The following DNAH6 variants were observed in gnomAD, a reference collection of about 807,000 sequenced individuals.
DNAH6 encodes the protein dynein axonemal heavy chain 6.
In DNAH6, 340 loss-of-function variants were observed where a neutral mutation model predicts 491.4. The ratio of observed to expected loss-of-function variants is 0.69; its 90% CI spans 0.63 to 0.76. The LOEUF is 0.76. Among genes scored for constraint, DNAH6 ranks in the 30% least tolerant of loss-of-function variants. The pLI is 0.00. For synonymous variants in DNAH6, 1,603 were observed against 1,686.1 expected (o/e 0.95, Z 1.21); for missense variants, 4,443 against 4,972.2 (o/e 0.89, Z 3.20).
At chr2:84,566,624 C>T (rs531826960) in intron 11 of DNAH6, among the ~76,000 whole-genome samples, 10 of 151,910 alleles carry the variant, frequency 6.6e-5, no homozygotes, top group African/African-American at 1.9e-4. Context: ...AATTTTAACA[C>T]ATGCCTATGA....
At chr2:84,635,883 C>T (rs1424965290) in intron 30 of DNAH6, among the ~76,000 whole-genome samples, 1 of 152,196 alleles carries the variant, frequency 6.6e-6, no homozygotes, top group Non-Finnish European at 1.5e-5. Flanking sequence ...TTACTCCATC[C>T]TGGTCTTCCC....
rs1357581567 is a variant in DNAH6, at chr2:84,796,400, A to G, written c.11334A>G (p.Glu3778=). The change falls in exon 69 of 77, where the codon GAA becomes GAG. Residue 3778 remains glutamate (E), a synonymous_variant. Coordinates refer to ENST00000389394, the MANE Select transcript of DNAH6 (RefSeq NM_001370.2). The stretch of plus-strand genomic sequence containing the variant: ...GATTTTTTTCTCCTGAAACATTAGA[A>G]GAAGATTATAAATACTCTGAATCAG... ...LKRFFSPETL[E]EDYKYSESGI... 6 of 1,529,176 alleles carry G rather than the reference A, an allele frequency of 3.9e-6. No homozygotes were observed. Among genetic ancestry groups the G allele is most frequent in the Admixed American group, 4.1e-5 (2 of 49,108 alleles). The allele number at this position is 1,529,176 out of a possible 1,614,324, so 94.7% of individuals were successfully genotyped here.
intron 35 of DNAH6, among the ~76,000 whole-genome samples, chr2:84,657,959 C>G (rs927752518): frequency 7.9e-5 from 12 of 151,816 alleles, no homozygotes; most frequent in Non-Finnish European, 1.6e-4. Flanking sequence ...TCTTCTTTTT[C>G]ATTGTTAATA....
At chr2:84,776,316 G>A (rs1402956299) in intron 64 of DNAH6, among the ~76,000 whole-genome samples, 3 of 152,184 alleles carry the variant, frequency 2.0e-5, no homozygotes, top group African/African-American at 4.8e-5. Flanking sequence ...CTCAGAGGTG[G>A]TAGAACTATT....
chr2:84,701,433 G>A lies in DNAH6; in HGVS notation c.8061+94G>A. ...CTCTATGCACTGTCTTACCTGTCAG[G>A]GCCCTGTATTAGTCCATTCTCGCAC... On this transcript the variant is annotated intron_variant, in intron 49 of 76. Coordinates refer to ENST00000389394, the MANE Select transcript of DNAH6 (RefSeq NM_001370.2). The A allele has an allele frequency of 3.0e-6, 4 of 1,312,630 alleles. No individual in the cohort carries two copies. In the South Asian group the frequency reaches 4.4e-5, roughly 15 times the overall value. The allele number at this position is 1,312,630 out of a possible 1,614,324, so 81.3% of individuals were successfully genotyped here.
chr2:84,631,730 A>G (rs1688421559), intron 29 of DNAH6, among the ~76,000 whole-genome samples: 1 of 152,174 alleles, frequency 6.6e-6, no homozygotes, highest in South Asian at 2.1e-4. Context: ...CCTACCCCCA[A>G]GAGCCTTCAG....
Position 84,658,273 on chromosome 2 carries a change from T to C in DNAH6, c.5758-19T>C. 1.3e-6 allele frequency: 2 copies of C among 1,481,884 alleles called. No homozygotes were observed. Among genetic ancestry groups the C allele is most frequent in the Non-Finnish European group, 1.8e-6 (2 of 1,109,194 alleles). 91.8% of individuals were successfully genotyped at this position (1,481,884 alleles called of 1,614,324 possible). A position where few individuals can be genotyped will look rare whatever the true frequency, so the allele number is the denominator to read the frequency against. ...ATATTTATCAGGTCTTGCTAAACTATCATTTGTTTCATTTTCAGCTGACTG... is the reference window on the plus strand; with the variant it reads ...ATATTTATCAGGTCTTGCTAAACTACCATTTGTTTCATTTTCAGCTGACTG... On this transcript the variant is annotated intron_variant, in intron 35 of 76. Transcript: ENST00000389394.
chr2:84,500,161 T>A, the DNAH6 span, among the ~76,000 whole-genome samples: 2 of 152,244 alleles, frequency 1.3e-5, no homozygotes, highest in Non-Finnish European at 2.9e-5. Context: ...TTTCATAGTC[T>A]GAAGTCTTAG....
chr2:84,667,790 G>A (rs1051929738), intron 37 of DNAH6, among the ~76,000 whole-genome samples: 1 of 152,170 alleles, frequency 6.6e-6, no homozygotes, highest in Non-Finnish European at 1.5e-5. Context: ...ACATGCACAA[G>A]TATGTTTATT....
chr2:84,708,047 G>T (rs1156431048), intron 54 of DNAH6, among the ~76,000 whole-genome samples: 1 of 152,152 alleles, frequency 6.6e-6, no homozygotes, highest in Non-Finnish European at 1.5e-5. Context: ...TGGATGAGAT[G>T]TTCTCAATTG....
At chr2:84,751,612 C>T (rs1673481006) in intron 63 of DNAH6, among the ~76,000 whole-genome samples, 1 of 152,148 alleles carries the variant, frequency 6.6e-6, no homozygotes, top group Non-Finnish European at 1.5e-5. Context: ...ATCAACTTCT[C>T]AGGAAAAGGT....
chr2:84,571,757 C>T (rs944859758), intron 11 of DNAH6, among the ~76,000 whole-genome samples: 2 of 104,020 alleles, frequency 1.9e-5, no homozygotes, highest in African/African-American at 6.6e-5. Flanking sequence ...ACTAAAATTA[C>T]AAAAAAAAAA....
intron 70 of DNAH6, among the ~76,000 whole-genome samples, chr2:84,797,917 T>A (rs779417838): frequency 6.6e-6 from 1 of 152,196 alleles, no homozygotes; most frequent in Non-Finnish European, 1.5e-5. Flanking sequence ...AGTCCATCCA[T>A]AATCTACCTG....
intron 14 of DNAH6, among the ~76,000 whole-genome samples, chr2:84,583,005 C>T (rs184512576): frequency 0.015 from 2,217 of 152,260 alleles, 24 homozygotes; most frequent in Non-Finnish European, 0.022. Context: ...CCAAGTAGTA[C>T]GAACATGGCT....
chr2:84,595,589 A>G, intron 17 of DNAH6, 57 bp from the exon 18 acceptor site: 2 of 1,443,964 alleles, frequency 1.4e-6, no homozygotes, highest in Non-Finnish European at 1.8e-6. Flanking sequence ...AGTATTTCAA[A>G]CCTGACTTTT....
At chr2:84,625,252 C>T (rs947066186) in intron 29 of DNAH6, among the ~76,000 whole-genome samples, 189 bp downstream of exon 29, 1 of 151,860 alleles carries the variant, frequency 6.6e-6, no homozygotes, top group Non-Finnish European at 1.5e-5. Flanking sequence ...TCTGGGTAGT[C>T]TGGATAAGAA....
chr2:84,571,781 T>C (rs1488277972), intron 11 of DNAH6, among the ~76,000 whole-genome samples: 4 of 145,584 alleles, frequency 2.7e-5, no homozygotes, highest in Non-Finnish European at 6.0e-5. Flanking sequence ...AAAATTAGCG[T>C]GGTGGCGGGC....
chr2:84,583,979 C>A lies in DNAH6; in HGVS notation c.2230-20C>A, dbSNP rs374869633. On this transcript the variant is annotated intron_variant, in intron 14 of 76. Transcript: ENST00000389394. ...CTAGGATTCTGCTACATTTAATGAG[C>A]AAACTATGTTTCCATTTAGATTGAA... 4 of 1,610,072 alleles carry A rather than the reference C, an allele frequency of 2.5e-6. No homozygotes were observed. The East Asian group carries it at 8.9e-5, about 36-fold the overall frequency.
Position 84,805,703 on chromosome 2 carries a change from G to A in DNAH6, c.11520G>A (p.Glu3840=), listed in dbSNP as rs1283541546. Residue 3840 remains glutamate, a synonymous_variant, in exon 71 of 77, where the codon GAG becomes GAA. Transcript: ENST00000389394. The part of the protein sequence containing the change: ...ETSTLINTIL[E]VQPRSSTGGE... ...GCACTTTAATCAACACCATACTTGA[G>A]GTTCAGCCAAGGTCATCTACTGGTG... is the stretch of plus-strand genomic sequence containing the variant. The A allele has an allele frequency of 6.4e-7, 1 of 1,551,638 alleles. No individual in the cohort carries two copies. Among genetic ancestry groups the A allele is most frequent in the Admixed American group, 2.0e-5 (1 of 50,978 alleles).
Sources: gnomAD v4.1 joint callset for allele counts (sites outside exome capture counted in the v4.1 genomes callset) on GRCh38, gnomAD v4.1.1 for gene constraint, MANE v1.5 for transcripts, NCBI Gene and HGNC (gene_info 2026-07-23, HGNC 2026-07-21) for gene names.